COQ8A: variants seen among roughly 807,000 people sequenced by gnomAD.
COQ8A encodes the protein coenzyme Q8A, also known as atypical kinase COQ8A, mitochondrial.
COQ8A carries 51 observed loss-of-function variants against 65.0 expected under a neutral mutation model. The ratio of observed to expected loss-of-function variants is 0.78; its 90% CI spans 0.63 to 0.99. The LOEUF is 0.99. Ranked by LOEUF, COQ8A falls within the 50% of genes least tolerant of loss-of-function variation. COQ8A has a pLI of 0.00. For synonymous variants in COQ8A, 371 were observed against 353.2 expected (o/e 1.05, Z -0.57); for missense variants, 940 against 875.0 (o/e 1.07, Z -0.94).
At position 226,978,769 on chromosome 1, in the gene COQ8A, T is replaced by C. The variant is rs142841413; in HGVS notation, c.730+1246T>C. ...CTTACACACCCACCTCACACCCGCA[T>C]ACCTCCGTACACACCCACCTCTCAC... On this transcript the variant is annotated intron_variant, in intron 5 of 14. Transcript: ENST00000366777. 2.5e-3 allele frequency among the ~76,000 whole-genome samples: 214 copies of C among 85,228 alleles called. 8 individuals carry two copies. The highest frequency in any genetic ancestry group is 7.3e-3 in the African/African-American group (193 of 26,534). 55.9% of individuals were successfully genotyped at this position (85,228 alleles called of 152,430 possible). A position where few individuals can be genotyped will look rare whatever the true frequency, so the allele number is the denominator to read the frequency against.
chr1:226,942,333 G>T (rs1482519587), intron 1 of COQ8A, among the ~76,000 whole-genome samples: 1 of 151,896 alleles, frequency 6.6e-6, no homozygotes, highest in African/African-American at 2.4e-5. Flanking sequence ...GAGGGCAGAG[G>T]CAAAACCTGC....
intron 9 of COQ8A, 57 bp from the exon 10 acceptor site, chr1:226,983,704 G>A: frequency 6.2e-7 from 1 of 1,612,316 alleles, no homozygotes; most frequent in Non-Finnish European, 8.5e-7. Flanking sequence ...CTGGGGACCA[G>A]AGGGGGTCCT....
intron 4 of COQ8A, among the ~76,000 whole-genome samples, chr1:226,969,897 T>C (rs760657883): frequency 6.6e-6 from 1 of 152,232 alleles, no homozygotes; most frequent in Non-Finnish European, 1.5e-5. Context: ...TTGACCTGTC[T>C]GTTATGTCCC....
At position 226,987,332 on chromosome 1, in the gene COQ8A, A is replaced by G. The variant is rs1173963265; in HGVS notation, c.*595A>G. Reference sequence around the variant, plus strand: ...TGTTCCTAAAGAACTGCTGCCCCACAGTGAGGGTGGGAGCAGCGGAACAGG... The same window carrying G: ...TGTTCCTAAAGAACTGCTGCCCCACGGTGAGGGTGGGAGCAGCGGAACAGG... On this transcript the variant is annotated 3_prime_UTR_variant, in exon 15 of 15. Transcript: ENST00000366777. 2 of 154,786 alleles carry G rather than the reference A, an allele frequency of 1.3e-5. No individual in the cohort carries two copies. Among genetic ancestry groups the G allele is most frequent in the African/African-American group, 4.8e-5 (2 of 41,466 alleles). 9.6% of individuals were successfully genotyped at this position (154,786 alleles called of 1,614,324 possible). A position where few individuals can be genotyped will look rare whatever the true frequency, so the allele number is the denominator to read the frequency against.
intron 1 of COQ8A, among the ~76,000 whole-genome samples, chr1:226,947,108 T>C (rs1305397950): frequency 6.6e-6 from 1 of 152,208 alleles, no homozygotes; most frequent in East Asian, 1.9e-4. Flanking sequence ...GACTCAATTT[T>C]CTGTAACCAG....
In COQ8A at chr1:226,961,417, T is replaced by C; in HGVS notation, c.32T>C (p.Val11Ala). 6.2e-7 allele frequency: 1 copy of C among 1,613,800 alleles called. No homozygotes were observed. Among genetic ancestry groups the C allele is most frequent in the Non-Finnish European group, 8.5e-7 (1 of 1,180,030 alleles). ...GCCATATTGGGAGACACCATCATGG[T>C]GGCTAAAGGCCTTGTCAAGCTGACC... MAAILGDTIM[V>A]AKGLVKLTQA... The change falls in exon 2 of 15, where the codon GTG (valine) becomes GCG (alanine). Residue 11 changes from valine (V) to alanine (A), a missense_variant. Val to Ala is a moderately conservative substitution (Grantham distance 64). Transcript: ENST00000366777.
intron 2 of COQ8A, 55 bp downstream of exon 2, chr1:226,961,617 G>A: frequency 6.4e-7 from 1 of 1,555,788 alleles, no homozygotes; most frequent in African/African-American, 1.4e-5. Context: ...GGGACCTGGA[G>A]CTCTGGGGGA....
intron 1 of COQ8A, among the ~76,000 whole-genome samples, chr1:226,956,178 T>A (rs1657736852): frequency 7.3e-6 from 1 of 137,176 alleles, no homozygotes; most frequent in African/African-American, 3.1e-5. Context: ...TGGTTCCCGC[T>A]CTCCCTGATT....
chr1:226,967,670 G>A (rs1572050763), intron 4 of COQ8A, among the ~76,000 whole-genome samples: 1 of 152,228 alleles, frequency 6.6e-6, no homozygotes, highest in Non-Finnish European at 1.5e-5. Flanking sequence ...TCCTCAGAGG[G>A]TGGGGGATTA....
In COQ8A at chr1:226,946,431, G is replaced by A. The variant is rs149059610; in HGVS notation, c.-10+6032G>A. Among the ~76,000 whole-genome samples the A allele has an allele frequency of 4.9e-4, 74 of 152,300 alleles. No homozygotes were observed. Among genetic ancestry groups the A allele is most frequent in the Non-Finnish European group, 9.0e-4 (61 of 68,032 alleles). On this transcript the variant is annotated intron_variant, in intron 1 of 14. Coordinates refer to ENST00000366777, the MANE Select transcript of COQ8A (RefSeq NM_020247.5). This position sits in a 1 kb window ranked among gnomAD's most constrained non-coding sequence, Gnocchi z 5.3. ...GCCGGGGGTCCATTCTGGCTGAAGC[G>A]TTGGGGCACGGAGGCATCTAGCGAG...
At chr1:226,960,121 G>A (rs1364191833) in intron 1 of COQ8A, among the ~76,000 whole-genome samples, 3 of 138,244 alleles carry the variant, frequency 2.2e-5, no homozygotes, top group African/African-American at 8.1e-5. Context: ...GGTGGTGGTA[G>A]TGGTACTTGG....
At chr1:226,960,285 T>TTGG (rs149474542) in intron 1 of COQ8A, among the ~76,000 whole-genome samples, 91,709 of 101,512 alleles carry the variant, frequency 0.9, 41,483 homozygotes, top group African/African-American at 0.91. Context: ...GCGGTGGTAC[T>TTGG]TGGTGGTGGT....
In COQ8A at chr1:226,983,006, G is replaced by A; in HGVS notation, c.1052G>A (p.Gly351Asp). ...IGQVHLARMK[G>D]GREVAMKIQY... ...CAGGTGCACTTGGCCCGAATGAAGG[G>A]CGGCCGCGAGGTGGCCATGAAGATC... The change falls in exon 8 of 15, where the codon GGC (glycine) becomes GAC (aspartate). Residue 351 changes from glycine to aspartate, a missense_variant. Gly to Asp is a moderately conservative substitution (Grantham distance 94). Coordinates refer to ENST00000366777, the MANE Select transcript of COQ8A (RefSeq NM_020247.5). 2 of 1,594,174 alleles carry A rather than the reference G, an allele frequency of 1.3e-6. No individual in the cohort carries two copies. The highest frequency in any genetic ancestry group is 1.7e-6 in the Non-Finnish European group (2 of 1,171,348).
intron 4 of COQ8A, among the ~76,000 whole-genome samples, chr1:226,966,628 G>A (rs191954036): frequency 6.6e-6 from 1 of 152,310 alleles, no homozygotes; most frequent in Admixed American, 6.5e-5. Flanking sequence ...GCAGAGGTCT[G>A]AGTGGTCCAT....
In COQ8A at chr1:226,984,957, C is replaced by A; in HGVS notation, c.1572+16C>A. ...CTACATTCAGGTAACTGGAGAGGGG[C>A]CCTGGCCTTGGTCCATGTTTTTCTG... On this transcript the variant is annotated intron_variant, in intron 13 of 14. Coordinates refer to ENST00000366777, the MANE Select transcript of COQ8A (RefSeq NM_020247.5). 1.2e-6 allele frequency: 2 copies of A among 1,613,788 alleles called. No individual in the cohort carries two copies. The highest frequency in any genetic ancestry group is 1.7e-6 in the Non-Finnish European group (2 of 1,179,818).
chr1:226,961,295 C>T (rs1658238695), intron 1 of COQ8A, 82 bp from the exon 2 acceptor site: 3 of 1,477,326 alleles, frequency 2.0e-6, no homozygotes, highest in Non-Finnish European at 2.8e-6. Flanking sequence ...ACCTTCTGCT[C>T]AGAGTTTGGT....
At chr1:226,965,623 C>A (rs1423650447) in intron 3 of COQ8A, 48 bp from the exon 4 acceptor site, 2 of 1,607,224 alleles carry the variant, frequency 1.2e-6, no homozygotes, top group Non-Finnish European at 1.7e-6. Flanking sequence ...GAAGGTTGGT[C>A]CTGTCCCCTT....
chr1:226,956,665 C>A (rs1657785136), intron 1 of COQ8A, among the ~76,000 whole-genome samples: 1 of 109,044 alleles, frequency 9.2e-6, no homozygotes, highest in South Asian at 4.0e-4. Context: ...CTGGCTGCCA[C>A]TCCCTGGTTC....
At chr1:226,944,732 AGAGAGAGAGAGAGAGAGT>A (rs1656908469) in intron 1 of COQ8A, among the ~76,000 whole-genome samples, 138 of 33,612 alleles carry the variant, frequency 4.1e-3, no homozygotes, top group South Asian at 9.8e-3. Context: ...AGAGAGAGAG[AGAGAGAGAGAGAGAGAGT>A]GAGAGAGAGA....
Sources: gnomAD v4.1 joint callset for allele counts (sites outside exome capture counted in the v4.1 genomes callset) on GRCh38, gnomAD v4.1.1 for gene constraint, Gnocchi (gnomAD v3.1) non-coding constraint, MANE v1.5 for transcripts, NCBI Gene and HGNC (gene_info 2026-07-23, HGNC 2026-07-21) for gene names.